The following PRKCE variants were observed in gnomAD, a reference collection of about 807,000 sequenced individuals.
PRKCE encodes protein kinase C epsilon, also known as protein kinase C epsilon type.
PRKCE carries 16 observed loss-of-function variants against 85.4 expected under a neutral mutation model. The observed-to-expected ratio is 0.19, with a 90% CI of 0.13 to 0.28. The LOEUF is 0.28. PRKCE is among the 10% of genes least tolerant of loss of function. The pLI is 1.00. For missense variants in PRKCE, 573 were observed against 975.2 expected (o/e 0.59, Z 5.49); for synonymous variants, 388 against 371.5 (o/e 1.04, Z -0.51).
At chr2:45,869,687 T>C (rs1171721406) in intron 2 of PRKCE, among the ~76,000 whole-genome samples, 2 of 150,476 alleles carry the variant, frequency 1.3e-5, no homozygotes, top group African/African-American at 2.4e-5. Flanking sequence ...TTTTTGTTTT[T>C]GTTTTTGTTT....
chr2:45,949,576 T>C (rs976496423), intron 2 of PRKCE, among the ~76,000 whole-genome samples: 1 of 152,072 alleles, frequency 6.6e-6, no homozygotes. Context: ...TTAATGATCA[T>C]AGTTGGTGTT....
intron 10 of PRKCE, among the ~76,000 whole-genome samples, chr2:46,015,714 CGAA>C (rs1706080316): frequency 1.3e-5 from 1 of 79,072 alleles, no homozygotes; most frequent in Non-Finnish European, 2.6e-5. Flanking sequence ...AAAAAAAAAA[CGAA>C]GTAAAAATTA....
chr2:45,754,021 G>A lies in PRKCE; in HGVS notation c.349-88979G>A, dbSNP rs565333424. 4.6e-5 allele frequency among the ~76,000 whole-genome samples: 7 copies of A among 152,310 alleles called. No individual in the cohort carries two copies. The South Asian group carries it at 1.2e-3, about 27-fold the overall frequency. On this transcript the variant is annotated intron_variant, in intron 1 of 14. Coordinates refer to ENST00000306156, the MANE Select transcript of PRKCE (RefSeq NM_005400.3). ...GCAGTTGAATGAGGAGATGAACAAG[G>A]CCTATATTCACATTGCCTTTGATTG...
chr2:45,877,341 C>G (rs762334463), intron 2 of PRKCE, among the ~76,000 whole-genome samples: 6 of 152,120 alleles, frequency 3.9e-5, no homozygotes, highest in Non-Finnish European at 7.4e-5. Flanking sequence ...GACTTTTAAA[C>G]TTACATATTA....
intron 2 of PRKCE, among the ~76,000 whole-genome samples, chr2:45,877,732 A>G (rs1694585027): frequency 7.5e-6 from 1 of 133,324 alleles, no homozygotes; most frequent in South Asian, 3.3e-4. Flanking sequence ...TATGGTTTTC[A>G]GCTGGTTCTT....
At chr2:46,102,373 A>G (rs971083447) in intron 11 of PRKCE, among the ~76,000 whole-genome samples, 7 of 152,126 alleles carry the variant, frequency 4.6e-5, no homozygotes, top group Non-Finnish European at 8.8e-5. Flanking sequence ...TGTCTTTAAG[A>G]TACACCATTA....
intron 11 of PRKCE, among the ~76,000 whole-genome samples, chr2:46,098,119 T>A (rs1457333853): frequency 6.6e-6 from 1 of 152,196 alleles, no homozygotes; most frequent in Admixed American, 6.5e-5. Context: ...GCAAAAATTA[T>A]GAGGGACCCC....
chr2:45,969,344 C>A (rs1243445315), intron 2 of PRKCE, among the ~76,000 whole-genome samples: 1 of 152,178 alleles, frequency 6.6e-6, no homozygotes, highest in Non-Finnish European at 1.5e-5. Context: ...AAACAACGGA[C>A]CTCCAAAGAG....
At chr2:45,873,446 A>G (rs1694241835) in intron 2 of PRKCE, among the ~76,000 whole-genome samples, 1 of 123,886 alleles carries the variant, frequency 8.1e-6, no homozygotes, top group Non-Finnish European at 1.7e-5. Flanking sequence ...CCACATAGAT[A>G]GTAGACTGCA....
At chr2:45,884,991 A>ATTTT (rs1323692604) in intron 2 of PRKCE, among the ~76,000 whole-genome samples, 2 of 57,756 alleles carry the variant, frequency 3.5e-5, no homozygotes, top group East Asian at 2.8e-3. Context: ...ATATATATAT[A>ATTTT]TATATATATA....
chr2:46,029,199 G>A (rs950453587), intron 10 of PRKCE, among the ~76,000 whole-genome samples: 1 of 152,146 alleles, frequency 6.6e-6, no homozygotes, highest in Non-Finnish European at 1.5e-5. Context: ...AGTCCTGAGA[G>A]GTGGATATCC....
At chr2:45,681,161 C>G (rs908663289) in intron 1 of PRKCE, among the ~76,000 whole-genome samples, 96 of 151,740 alleles carry the variant, frequency 6.3e-4, no homozygotes, top group Non-Finnish European at 1.2e-3. Flanking sequence ...TGGTAGCATG[C>G]ACCTGTAATC....
chr2:46,118,772 G>C (rs1673015958), intron 11 of PRKCE, among the ~76,000 whole-genome samples: 1 of 152,204 alleles, frequency 6.6e-6, no homozygotes, highest in Non-Finnish European at 1.5e-5. Flanking sequence ...CCTAGAGATG[G>C]ATGGGAGTCG....
intron 2 of PRKCE, among the ~76,000 whole-genome samples, chr2:45,900,152 T>G (rs896282490): frequency 1.3e-5 from 2 of 152,198 alleles, no homozygotes; most frequent in African/African-American, 4.8e-5. Flanking sequence ...AAATGGAAAC[T>G]GTTGTTTGTT....
Position 45,651,881 on chromosome 2 carries a change from C to T in PRKCE, c.-220C>T, listed in dbSNP as rs565529671. 144 of 485,404 alleles carry T rather than the reference C, an allele frequency of 3.0e-4. 3 individuals carry two copies. In the South Asian group the frequency reaches 4.9e-3, roughly 17 times the overall value. The allele number at this position is 485,404 out of a possible 1,614,324, so 30.1% of individuals were successfully genotyped here. A position where few individuals can be genotyped will look rare whatever the true frequency, so the allele number is the denominator to read the frequency against. On this transcript the variant is annotated 5_prime_UTR_variant, in exon 1 of 15. Transcript: ENST00000306156. The stretch of plus-strand genomic sequence containing the variant: ...CCAAACACGGACATCCCCCAGCTCT[C>T]CCCCCTCCCTGTTTTCCGTTAGGAA...
chr2:45,929,185 G>A (rs964507248), intron 2 of PRKCE, among the ~76,000 whole-genome samples: 10 of 152,112 alleles, frequency 6.6e-5, no homozygotes, highest in Admixed American at 4.6e-4. Context: ...ATCTACCAGT[G>A]AAATGAAAGG....
chr2:45,871,822 C>A (rs142191703), intron 2 of PRKCE, among the ~76,000 whole-genome samples: 61 of 152,304 alleles, frequency 4.0e-4, no homozygotes, highest in Admixed American at 1.0e-3. Flanking sequence ...TTCTTTCCCC[C>A]CTGCCAGAAC....
chr2:45,885,872 T>C (rs1311529147), intron 2 of PRKCE, among the ~76,000 whole-genome samples: 3 of 152,236 alleles, frequency 2.0e-5, no homozygotes, highest in Non-Finnish European at 2.9e-5. Flanking sequence ...AAAATCTTAT[T>C]TTAAGTGCAC....
In PRKCE at chr2:45,881,138, G is replaced by A. The variant is rs1042473832; in HGVS notation, c.412+38075G>A. On this transcript the variant is annotated intron_variant, in intron 2 of 14. Transcript: ENST00000306156. ...ACTGCACTCCAGCCTGGGCGACAGA[G>A]CGAGACTCCGTCTCAAAAAAAAAAA... is the stretch of plus-strand genomic sequence containing the variant. Among the ~76,000 whole-genome samples the A allele has an allele frequency of 1.4e-4, 20 of 141,152 alleles. 2 individuals carry two copies. Among genetic ancestry groups the A allele is most frequent in the African/African-American group, 5.2e-4 (19 of 36,772 alleles). 92.6% of individuals were successfully genotyped at this position (141,152 alleles called of 152,430 possible). A position where few individuals can be genotyped will look rare whatever the true frequency, so the allele number is the denominator to read the frequency against.
Sources: allele counts gnomAD v4.1 joint callset (sites outside exome capture counted in the v4.1 genomes callset), GRCh38; gene constraint gnomAD v4.1.1; transcripts MANE v1.5; gene names NCBI Gene and HGNC (gene_info 2026-07-23, HGNC 2026-07-21).